The following TGM3 variants were observed in gnomAD, a reference collection of about 807,000 sequenced individuals.
The protein encoded by TGM3 is protein-glutamine gamma-glutamyltransferase E.
TGM3 carries 52 observed loss-of-function variants against 73.8 expected under a neutral mutation model. That is an observed-to-expected ratio of 0.70 (90% CI 0.56 to 0.89). The LOEUF (loss-of-function observed/expected upper bound fraction) is 0.89. TGM3 is among the 40% of genes least tolerant of loss of function. TGM3 has a pLI of 0.00. For missense variants in TGM3, 928 were observed against 909.9 expected (o/e 1.02, Z -0.26); for synonymous variants, 372 against 354.9 (o/e 1.05, Z -0.54).
intron 7 of TGM3, among the ~76,000 whole-genome samples, chr20:2,324,107 C>T (rs890177436): frequency 6.6e-6 from 1 of 152,036 alleles, no homozygotes; most frequent in African/African-American, 2.4e-5. Context: ...AGTCATCTAT[C>T]TTCAAATTTA....
In TGM3 at chr20:2,335,285, C is replaced by A. The variant is rs145411193; in HGVS notation, c.1800+12C>A. The A allele has an allele frequency of 1.5e-4, 235 of 1,613,404 alleles. No homozygotes were observed. In the African/African-American group the frequency reaches 2.8e-3, roughly 19 times the overall value. On this transcript the variant is annotated intron_variant, in intron 11 of 12. Coordinates refer to ENST00000381458, the MANE Select transcript of TGM3 (RefSeq NM_003245.4). ...CCTTGACCCTGGAGGTAATGGGGCT[C>A]CCCATCCTGTGGGAAGGGGTTCTGC...
chr20:2,321,481 G>T (rs1279072965), intron 7 of TGM3, among the ~76,000 whole-genome samples: 1 of 152,142 alleles, frequency 6.6e-6, no homozygotes, highest in Non-Finnish European at 1.5e-5. Context: ...AGAAGGGCAG[G>T]GTTTGGGGCC....
intron 7 of TGM3, among the ~76,000 whole-genome samples, chr20:2,321,310 G>T (rs2084261725): frequency 6.6e-6 from 1 of 152,192 alleles, no homozygotes; most frequent in African/African-American, 2.4e-5. Flanking sequence ...TGCATTAAAA[G>T]CTTGGCAATT....
chr20:2,326,379 T>C (rs949472074), intron 8 of TGM3, among the ~76,000 whole-genome samples: 7 of 152,238 alleles, frequency 4.6e-5, no homozygotes, highest in African/African-American at 9.6e-5. Context: ...TTAGGCAGGC[T>C]GCCTCTGCCA....
intron 1 of TGM3, among the ~76,000 whole-genome samples, chr20:2,300,212 A>G (rs2084136800): frequency 7.5e-6 from 1 of 132,942 alleles, no homozygotes; most frequent in South Asian, 2.7e-4. Flanking sequence ...AGAAAGAAAG[A>G]AAGAGAAGAA....
At chr20:2,322,862 T>C (rs1002514079) in intron 7 of TGM3, among the ~76,000 whole-genome samples, 1 of 152,210 alleles carries the variant, frequency 6.6e-6, no homozygotes, top group Non-Finnish European at 1.5e-5. Flanking sequence ...GTAATTGACA[T>C]GATAGAAAAT....
intron 4 of TGM3, among the ~76,000 whole-genome samples, chr20:2,312,070 A>G (rs182239619): frequency 2.0e-5 from 3 of 152,320 alleles, no homozygotes; most frequent in Non-Finnish European, 2.9e-5. Flanking sequence ...TTTTATTTTT[A>G]TAACTAGTTC....
At chr20:2,307,547 C>T (rs548570624) in intron 1 of TGM3, among the ~76,000 whole-genome samples, 10 of 152,280 alleles carry the variant, frequency 6.6e-5, no homozygotes, top group African/African-American at 1.9e-4. Flanking sequence ...TTCCTGATCC[C>T]TACAACTGAA....
intron 11 of TGM3, among the ~76,000 whole-genome samples, chr20:2,337,029 A>G (rs946674838): frequency 4.6e-5 from 7 of 152,070 alleles, no homozygotes; most frequent in African/African-American, 1.7e-4. Context: ...TCTTTGTGCA[A>G]TTATTTGGTT....
At chr20:2,306,867 G>A (rs1363661265) in intron 1 of TGM3, among the ~76,000 whole-genome samples, 2 of 152,184 alleles carry the variant, frequency 1.3e-5, no homozygotes, top group African/African-American at 4.8e-5. Flanking sequence ...GGCAGGAGGA[G>A]AGGGGAGAAA....
chr20:2,320,454 C>T (rs748798839), intron 7 of TGM3, among the ~76,000 whole-genome samples: 9 of 152,140 alleles, frequency 5.9e-5, no homozygotes, highest in East Asian at 1.9e-4. Context: ...GGGTAAACAC[C>T]GGGAGACATG....
rs772149238 is a variant in TGM3, at chr20:2,312,956, G to T, written c.599G>T (p.Arg200Leu). The change falls in exon 5 of 13, where the codon CGC (arginine) becomes CTC (leucine). Residue 200 changes from arginine (R) to leucine (L), a missense_variant. Coordinates refer to ENST00000381458, the MANE Select transcript of TGM3 (RefSeq NM_003245.4). ...LSILDRSLNF[R>L]RDAATDVASR... ...ATCTTGGATAGGAGTCTGAATTTCCGCCGTGACGCTGCTACTGATGTGGCC... is the reference window on the plus strand; with the variant it reads ...ATCTTGGATAGGAGTCTGAATTTCCTCCGTGACGCTGCTACTGATGTGGCC... 3 of 1,614,008 alleles carry T rather than the reference G, an allele frequency of 1.9e-6. No homozygotes were observed. Among genetic ancestry groups the T allele is most frequent in the Non-Finnish European group, 2.5e-6 (3 of 1,180,030 alleles).
intron 10 of TGM3, among the ~76,000 whole-genome samples, chr20:2,333,108 T>C (rs575123744): frequency 6.6e-6 from 1 of 152,356 alleles, no homozygotes; most frequent in East Asian, 1.9e-4. Context: ...CTTCAAGCTG[T>C]CATGAAAAGT....
Position 2,328,250 on chromosome 20 carries a change from T to C in TGM3, c.1218T>C (p.Thr406=), listed in dbSNP as rs746553533. The C allele has an allele frequency of 1.9e-6, 3 of 1,614,180 alleles. No individual in the cohort carries two copies. In the South Asian group the frequency reaches 3.3e-5, roughly 18 times the overall value. Residue 406 remains threonine (T), a synonymous_variant, in exon 9 of 13, where the codon ACT becomes ACC. Transcript: ENST00000381458. This position sits in a 1 kb window ranked among gnomAD's most constrained non-coding sequence, Gnocchi z 5.2. ...TCACCTGGCTGTACGACAACACCAC[T>C]GGCAAACAGTGGAAGAATTCCGTGA... is the stretch of plus-strand genomic sequence containing the variant. ...DRITWLYDNT[T]GKQWKNSVNS...
chr20:2,335,346 C>G, intron 11 of TGM3, 73 bp downstream of exon 11: 1 of 1,574,844 alleles, frequency 6.3e-7, no homozygotes, highest in Non-Finnish European at 8.7e-7. Context: ...CCCCACTGTC[C>G]CTGTGAGCCA....
In TGM3 at chr20:2,328,553, C is replaced by T. The variant is rs2084303351; in HGVS notation, c.1333+188C>T. Among the ~76,000 whole-genome samples, 1 of 152,218 alleles carries T rather than the reference C, an allele frequency of 6.6e-6. No homozygotes were observed. Among genetic ancestry groups the T allele is most frequent in the Non-Finnish European group, 1.5e-5 (1 of 68,038 alleles). On this transcript the variant is annotated intron_variant, in intron 9 of 12. Coordinates refer to ENST00000381458, the MANE Select transcript of TGM3 (RefSeq NM_003245.4). This position sits in a 1 kb window ranked among gnomAD's most constrained non-coding sequence, Gnocchi z 5.2. ...GTTTCCGGAGGGAACAAAACCATCA[C>T]GGGCAGCTGTTGTGCCAGTGGAAGT...
At chr20:2,331,770 C>T (rs1419356825) in intron 9 of TGM3, among the ~76,000 whole-genome samples, 2 of 152,272 alleles carry the variant, frequency 1.3e-5, no homozygotes, top group East Asian at 1.9e-4. Flanking sequence ...TGTGATAAAG[C>T]TTTTCTACAG....
At chr20:2,339,725 A>G in intron 11 of TGM3, 129 bp from the exon 12 acceptor site, 1 of 1,300,294 alleles carries the variant, frequency 7.7e-7, no homozygotes, top group Non-Finnish European at 1.1e-6. Flanking sequence ...AGGAGGGCTA[A>G]ATGGTCTCCC....
Position 2,332,090 on chromosome 20 carries a change from G to T in TGM3, c.1422G>T (p.Leu474Phe). Residue 474 changes from leucine (L) to phenylalanine (F), a missense_variant, in exon 10 of 13, where the codon TTG becomes TTT. Transcript: ENST00000381458. This position sits in a 1 kb window ranked among gnomAD's most constrained non-coding sequence, Gnocchi z 4.4. ...TTGCCGCGACGTCTTCAATGGGTTT[G>T]GAAACAGAGGAACAGGAGCCCAGCA... is the stretch of plus-strand genomic sequence containing the variant. Reference protein sequence around the residue: ...TPFAATSSMGLETEEQEPSII... With the variant: ...TPFAATSSMGFETEEQEPSII... 6.2e-7 allele frequency: 1 copy of T among 1,614,214 alleles called. No homozygotes were observed. Among genetic ancestry groups the T allele is most frequent in the Non-Finnish European group, 8.5e-7 (1 of 1,180,038 alleles).
Sources: allele counts gnomAD v4.1 joint callset (sites outside exome capture counted in the v4.1 genomes callset), GRCh38; gene constraint gnomAD v4.1.1; non-coding constraint Gnocchi (gnomAD v3.1); transcripts MANE v1.5; gene names NCBI Gene and HGNC (gene_info 2026-07-23, HGNC 2026-07-21).